The following RBMS2 variants were observed in gnomAD, a reference collection of about 807,000 sequenced individuals.
The protein encoded by RBMS2 is RNA-binding motif, single-stranded-interacting protein 2.
A neutral mutation model predicts 58.4 loss-of-function variants in RBMS2; 38 were observed. The ratio of observed to expected loss-of-function variants is 0.65; its 90% confidence interval spans 0.50 to 0.85. RBMS2 has a LOEUF of 0.85. Among genes scored for constraint, RBMS2 ranks in the 40% least tolerant of loss-of-function variants. RBMS2 has a pLI of 0.00. For synonymous variants in RBMS2, 151 were observed against 180.7 expected, an observed-to-expected ratio of 0.84 and a Z score of 1.32; for missense variants, 367 against 503.7, an observed-to-expected ratio of 0.73 and a Z score of 2.60.
chr12:56,554,825 T>C (rs561855315), intron 1 of RBMS2, among the ~76,000 whole-genome samples: 1 of 152,158 alleles, frequency 6.6e-6, no homozygotes, highest in Non-Finnish European at 1.5e-5. Context: ...TGTAGTAGTA[T>C]ATTTTTAGTA....
At position 56,557,995 on chromosome 12, in the gene RBMS2, TC is replaced by T. The variant is rs1426874240; in HGVS notation, c.67-4419del. ...TCAAGTGGATCCACCCGCCTCAGCCTCCCAAAGTACTGGGATTACAGGCATG... is the reference window on the plus strand; with the variant it reads ...TCAAGTGGATCCACCCGCCTCAGCCTCCAAAGTACTGGGATTACAGGCATG... On this transcript the variant is annotated intron_variant, in intron 1 of 13. Transcript: ENST00000262031. Among the ~76,000 whole-genome samples the T allele has an allele frequency of 4.5e-5, 6 of 133,518 alleles. No homozygotes were observed. The South Asian group carries it at 1.3e-3, about 29-fold the overall frequency. 87.6% of individuals were successfully genotyped at this position (133,518 alleles called of 152,430 possible).
chr12:56,562,905 G>A (rs983346402), intron 2 of RBMS2, among the ~76,000 whole-genome samples: 4 of 152,130 alleles, frequency 2.6e-5, no homozygotes, highest in Admixed American at 6.6e-5. Context: ...GGCGGATCAC[G>A]AGGTCAGGAG....
intron 5 of RBMS2, among the ~76,000 whole-genome samples, chr12:56,577,398 C>T (rs186271243): frequency 0.014 from 2,079 of 150,980 alleles, 51 homozygotes; most frequent in African/African-American, 0.047. Flanking sequence ...ACAACAAGAG[C>T]GAAACTCCAT....
intron 1 of RBMS2, among the ~76,000 whole-genome samples, chr12:56,534,663 A>G (rs959685275): frequency 2.6e-5 from 4 of 152,090 alleles, no homozygotes; most frequent in African/African-American, 9.7e-5. Context: ...ATTTTTTATG[A>G]TGGAGGCTCG....
chr12:56,545,879 C>G (rs1264215616), intron 1 of RBMS2, among the ~76,000 whole-genome samples: 4 of 151,190 alleles, frequency 2.6e-5, no homozygotes, highest in African/African-American at 9.7e-5. Flanking sequence ...ATGAATAGTG[C>G]TTCTGTGAAA....
chr12:56,571,542 C>T (rs1882293763), intron 4 of RBMS2, among the ~76,000 whole-genome samples, 156 bp from the exon 5 acceptor site: 1 of 152,108 alleles, frequency 6.6e-6, no homozygotes, highest in Non-Finnish European at 1.5e-5. Flanking sequence ...ATATACAACC[C>T]GTGGTAGTGG....
chr12:56,545,863 G>T (rs1166317772), intron 1 of RBMS2, among the ~76,000 whole-genome samples: 2 of 151,404 alleles, frequency 1.3e-5, no homozygotes, highest in Non-Finnish European at 2.9e-5. Flanking sequence ...TCCACTTTGG[G>T]CTATTATGAA....
Position 56,591,470 on chromosome 12 carries a change from G to T in RBMS2, c.*2337G>T, listed in dbSNP as rs1885302607. On this transcript the variant is annotated 3_prime_UTR_variant, in exon 14 of 14. Transcript: ENST00000262031. ...ATTGATGCTTCCAAACTCAGGAAGGGCTTATCCAGTGTAAAATAGCCCCAA... is the reference window on the plus strand; with the variant it reads ...ATTGATGCTTCCAAACTCAGGAAGGTCTTATCCAGTGTAAAATAGCCCCAA... 1 of 152,164 alleles carries T rather than the reference G, an allele frequency of 6.6e-6. No individual in the cohort carries two copies. Among genetic ancestry groups the T allele is most frequent in the Non-Finnish European group, 1.5e-5 (1 of 68,048 alleles). The allele number at this position is 152,164 out of a possible 1,614,324, so 9.4% of individuals were successfully genotyped here. A position where few individuals can be genotyped will look rare whatever the true frequency, so the allele number is the denominator to read the frequency against.
At chr12:56,546,061 G>A (rs1000935327) in intron 1 of RBMS2, among the ~76,000 whole-genome samples, 1 of 147,700 alleles carries the variant, frequency 6.8e-6, no homozygotes, top group East Asian at 2.0e-4. Context: ...CCCACCTTCC[G>A]AGTAGTTGGG....
At chr12:56,534,689 T>G (rs962325731) in intron 1 of RBMS2, among the ~76,000 whole-genome samples, 3 of 152,320 alleles carry the variant, frequency 2.0e-5, no homozygotes, top group African/African-American at 7.2e-5. Flanking sequence ...TCGCCCAGGC[T>G]GGAGTGCAGT....
At chr12:56,526,046 C>G (rs1274199766) in intron 1 of RBMS2, among the ~76,000 whole-genome samples, 1 of 151,898 alleles carries the variant, frequency 6.6e-6, no homozygotes, top group East Asian at 1.9e-4. Flanking sequence ...GGTGCTCACG[C>G]CTGTAATCCC....
Position 56,587,416 on chromosome 12 carries a change from T to C in RBMS2, c.952-138T>C, listed in dbSNP as rs187228440. The C allele has an allele frequency of 5.0e-6, 4 of 802,642 alleles. No individual in the cohort carries two copies. The East Asian group carries it at 8.3e-5, about 17-fold the overall frequency. The allele number at this position is 802,642 out of a possible 1,614,324, so 49.7% of individuals were successfully genotyped here. A position where few individuals can be genotyped will look rare whatever the true frequency, so the allele number is the denominator to read the frequency against. On this transcript the variant is annotated intron_variant, in intron 10 of 13. Transcript: ENST00000262031. ...AGGCAGAGTTCCTATTCTTGTTGCA[T>C]AGTTGGGTTGCTGCTCACTTACCAT... is the stretch of plus-strand genomic sequence containing the variant.
Position 56,589,131 on chromosome 12 carries a change from C to T in RBMS2, c.*7-9C>T. ...GTCTTGTCTCCTCTCTGGCTTGTGC[C>T]TTCTTTAGGATTCCCCTCCCCATCT... On this transcript the variant is annotated splice_polypyrimidine_tract_variant and intron_variant, in intron 13 of 13. Transcript: ENST00000262031. The T allele has an allele frequency of 1.3e-6, 2 of 1,567,574 alleles. No individual in the cohort carries two copies. The highest frequency in any genetic ancestry group is 2.4e-5 in the East Asian group (1 of 41,938).
intron 1 of RBMS2, among the ~76,000 whole-genome samples, chr12:56,526,641 T>A (rs989817158): frequency 6.8e-6 from 1 of 146,696 alleles, no homozygotes; most frequent in Admixed American, 7.0e-5. Flanking sequence ...AACATCAGTT[T>A]TAATGCCCTT....
At chr12:56,561,874 C>T (rs1191133884) in intron 1 of RBMS2, among the ~76,000 whole-genome samples, 1 of 151,634 alleles carries the variant, frequency 6.6e-6, no homozygotes, top group Non-Finnish European at 1.5e-5. Flanking sequence ...GTGGCGCGAT[C>T]TCAGCTCACT....
rs1012472820 is a variant in RBMS2, at chr12:56,595,618, C to CGTGA, written c.*6489_*6492dup. ...AAAGTCTACGTCTTGGTGTCTTATCCGTGAGTGGGAAGTGGTAAGCTGGTG... is the reference window on the plus strand; with the variant it reads ...AAAGTCTACGTCTTGGTGTCTTATCCGTGAGTGAGTGGGAAGTGGTAAGCTGGTG... On this transcript the variant is annotated 3_prime_UTR_variant, in exon 14 of 14. Transcript: ENST00000262031. 1 of 151,594 alleles carries CGTGA rather than the reference C, an allele frequency of 6.6e-6. No homozygotes were observed. The highest frequency in any genetic ancestry group is 2.4e-5 in the African/African-American group (1 of 41,198). The allele number at this position is 151,594 out of a possible 1,614,324, so 9.4% of individuals were successfully genotyped here.
chr12:56,522,102 G>C lies in RBMS2; in HGVS notation c.66+13G>C, dbSNP rs767783589. 8 of 1,569,060 alleles carry C rather than the reference G, an allele frequency of 5.1e-6. No homozygotes were observed. Among genetic ancestry groups the C allele is most frequent in the Non-Finnish European group, 7.0e-6 (8 of 1,142,398 alleles). On this transcript the variant is annotated intron_variant, in intron 1 of 13. Transcript: ENST00000262031. ...AAACAACAAGAAGGTAGGGAAAAGC[G>C]CTTTTTTGGTATCTAGCTACTTCTT...
intron 1 of RBMS2, among the ~76,000 whole-genome samples, chr12:56,552,948 A>G (rs1196610134): frequency 2.2e-5 from 1 of 45,276 alleles, no homozygotes; most frequent in Non-Finnish European, 4.0e-5. Flanking sequence ...TTTTTTTTTG[A>G]GACAGAGTCT....
chr12:56,538,342 G>A (rs1875341315), intron 1 of RBMS2, among the ~76,000 whole-genome samples: 1 of 151,120 alleles, frequency 6.6e-6, no homozygotes, highest in South Asian at 2.1e-4. Flanking sequence ...CCCATCTTTG[G>A]GATTTTGATA....
Sources: gnomAD v4.1 joint callset for allele counts (sites outside exome capture counted in the v4.1 genomes callset) on GRCh38, gnomAD v4.1.1 for gene constraint, MANE v1.5 for transcripts, NCBI Gene and HGNC (gene_info 2026-07-23, HGNC 2026-07-21) for gene names.